The following ATP9B variants were observed in gnomAD, a reference collection of about 807,000 sequenced individuals.
ATP9B encodes the protein probable phospholipid-transporting ATPase IIB.
In ATP9B, 110 loss-of-function variants were observed where a neutral mutation model predicts 146.1. The observed-to-expected ratio is 0.75, with a 90% confidence interval of 0.65 to 0.88. The LOEUF (loss-of-function observed/expected upper bound fraction) is 0.88, where lower values mean the gene tolerates loss of function less well. Among genes scored for constraint, ATP9B ranks in the 40% least tolerant of loss-of-function variants. ATP9B has a pLI of 0.00. For missense variants in ATP9B, 1,499 were observed against 1,496.4 expected, an observed-to-expected ratio of 1.00 and a Z score of -0.03; for synonymous variants, 604 against 569.7, an observed-to-expected ratio of 1.06 and a Z score of -0.86.
intron 15 of ATP9B, among the ~76,000 whole-genome samples, chr18:79,328,051 T>TCCGTGGTTAGTGTG (rs1319549230): frequency 6.7e-6 from 1 of 149,356 alleles, no homozygotes; most frequent in Non-Finnish European, 1.5e-5. Flanking sequence ...TAGCGTGCTC[T>TCCGTGGTTAGTGTG]CTCTGGTTAG....
At chr18:79,072,513 T>G (rs989436590) in intron 1 of ATP9B, among the ~76,000 whole-genome samples, 1 of 152,246 alleles carries the variant, frequency 6.6e-6, no homozygotes, top group African/African-American at 2.4e-5. Flanking sequence ...GAATTTTTCT[T>G]AGTACAGAAC....
At chr18:79,353,859 A>C (rs2096935628) in intron 25 of ATP9B, 1 of 152,244 alleles carries the variant, frequency 6.6e-6, no homozygotes, top group African/African-American at 2.4e-5. Flanking sequence ...TGTTCAAAGA[A>C]AGTTAACAAA....
At chr18:79,334,778 C>T (rs1393642135) in intron 17 of ATP9B, among the ~76,000 whole-genome samples, 5 of 151,304 alleles carry the variant, frequency 3.3e-5, no homozygotes, top group Middle Eastern at 3.4e-3. Context: ...TCTGCCCAGA[C>T]GCCCACCCCC....
rs145281124 is a variant in ATP9B, at chr18:79,338,674, T to G, written c.2283+1225T>G. On this transcript the variant is annotated intron_variant, in intron 19 of 29. Coordinates refer to ENST00000426216, the MANE Select transcript of ATP9B (RefSeq NM_198531.5). ...TCTGGCTTTTTCACTTACTGATGTG[T>G]CCTCTTCCTGCACAGGGGAAATTGG... 2.4e-3 allele frequency among the ~76,000 whole-genome samples: 367 copies of G among 152,358 alleles called. 1 individual carries two copies. The highest frequency in any genetic ancestry group is 6.4e-3 in the South Asian group (31 of 4,830).
intron 11 of ATP9B, among the ~76,000 whole-genome samples, chr18:79,247,321 A>G (rs1481040043): frequency 6.6e-6 from 1 of 152,230 alleles, no homozygotes; most frequent in Non-Finnish European, 1.5e-5. Context: ...ATATGTGTAT[A>G]CATGTGTTCA....
intron 11 of ATP9B, among the ~76,000 whole-genome samples, chr18:79,241,674 A>G (rs1030932978): frequency 7.2e-5 from 11 of 152,360 alleles, no homozygotes; most frequent in Admixed American, 6.5e-4. Flanking sequence ...ATTATGCAGC[A>G]TGCCTGTTTT....
At chr18:79,303,488 T>TG in intron 13 of ATP9B, 116 bp from the exon 14 acceptor site, 1 of 692,946 alleles carries the variant, frequency 1.4e-6, no homozygotes, top group South Asian at 1.8e-5. Flanking sequence ...ATTATACAGT[T>TG]GGGCATCCCA....
intron 8 of ATP9B, among the ~76,000 whole-genome samples, chr18:79,189,638 C>T (rs574639287): frequency 2.6e-5 from 4 of 152,218 alleles, no homozygotes; most frequent in East Asian, 3.9e-4. Flanking sequence ...GAAAATCATA[C>T]GGAAGAGAAA....
rs141246164 is a variant in ATP9B at position 79,129,353 on chromosome 18, C to T, written c.667+2978C>T. Among the ~76,000 whole-genome samples, 59 of 152,232 alleles carry T rather than the reference C, an allele frequency of 3.9e-4. 1 individual carries two copies. The highest frequency in any genetic ancestry group is 1.4e-3 in the African/African-American group (57 of 41,546). ...GAATGCTCAGATCCAAAGTCTTTCC[C>T]TCTGGCCAGTCTCTAGGCTCAGTGC... On this transcript the variant is annotated intron_variant, in intron 5 of 29. Transcript: ENST00000426216.
intron 7 of ATP9B, among the ~76,000 whole-genome samples, chr18:79,174,485 C>G (rs2095129345): frequency 6.6e-6 from 1 of 152,212 alleles, no homozygotes; most frequent in African/African-American, 2.4e-5. Context: ...ACACTTCTTA[C>G]AGTTGATCTG....
intron 3 of ATP9B, among the ~76,000 whole-genome samples, chr18:79,112,886 G>A (rs142670181): frequency 1.1e-3 from 166 of 152,108 alleles, no homozygotes; most frequent in Admixed American, 2.2e-3. Flanking sequence ...GGAAGGTTTT[G>A]CTATCTAACT....
chr18:79,326,031 G>T (rs1203161082), intron 15 of ATP9B, among the ~76,000 whole-genome samples: 1 of 118,594 alleles, frequency 8.4e-6, no homozygotes, highest in Non-Finnish European at 1.7e-5. Flanking sequence ...ATAGTGTTAG[G>T]GTGTCACCTC....
At chr18:79,227,068 G>A (rs1350293929) in intron 11 of ATP9B, among the ~76,000 whole-genome samples, 3 of 152,048 alleles carry the variant, frequency 2.0e-5, no homozygotes, top group Non-Finnish European at 4.4e-5. Context: ...TCTTTTTTTG[G>A]TGGGCTATAA....
chr18:79,297,063 CAGAG>C (rs200284511), intron 13 of ATP9B, among the ~76,000 whole-genome samples: 1 of 133,552 alleles, frequency 7.5e-6, no homozygotes, highest in Non-Finnish European at 1.6e-5. Flanking sequence ...AGAGAGAAGA[CAGAG>C]AGATGACCCA....
intron 17 of ATP9B, among the ~76,000 whole-genome samples, chr18:79,334,726 C>T (rs770342515): frequency 4.6e-5 from 7 of 152,154 alleles, no homozygotes; most frequent in Non-Finnish European, 8.8e-5. Context: ...GTCCTACACA[C>T]GCCTGGCCCC....
rs1489907836 is a variant in ATP9B, at chr18:79,113,274, C to G, written c.478C>G (p.Leu160Val). The G allele has an allele frequency of 6.3e-7, 1 of 1,598,432 alleles. No individual in the cohort carries two copies. The highest frequency in any genetic ancestry group is 8.6e-7 in the Non-Finnish European group (1 of 1,168,362). Residue 160 changes from leucine to valine, a missense_variant, in exon 4 of 30, where the codon CTC becomes GTC. Physicochemically the swap from Leu to Val is conservative, Grantham distance 32 (BLOSUM62 1). Transcript: ENST00000426216. The part of the protein sequence containing the change: ...LYEQFKFFLN[L>V]YFLVISCSQF... ...TGAACAATTCAAGTTTTTCTTGAATCTCTATTTTCTAGTAATATCCTGCTC... is the reference window on the plus strand; with the variant it reads ...TGAACAATTCAAGTTTTTCTTGAATGTCTATTTTCTAGTAATATCCTGCTC...
At chr18:79,373,130 C>T (rs1219289881) in intron 27 of ATP9B, among the ~76,000 whole-genome samples, 1 of 151,430 alleles carries the variant, frequency 6.6e-6, no homozygotes, top group Non-Finnish European at 1.5e-5. Context: ...AAGATTTTAA[C>T]AAGCACTTAC....
chr18:79,109,564 C>CTTTT (rs34940699), intron 2 of ATP9B, among the ~76,000 whole-genome samples: 2 of 129,864 alleles, frequency 1.5e-5, no homozygotes, highest in African/African-American at 2.8e-5. Flanking sequence ...ATTGAGCTGT[C>CTTTT]TTTTTTTTTT....
intron 8 of ATP9B, among the ~76,000 whole-genome samples, chr18:79,177,236 A>G (rs1426146707): frequency 1.3e-5 from 2 of 149,226 alleles, no homozygotes; most frequent in Admixed American, 1.3e-4. Flanking sequence ...TCCTTTTTCA[A>G]TTTATTTTAT....
Sources: gnomAD v4.1 joint callset for allele counts (sites outside exome capture counted in the v4.1 genomes callset) on GRCh38, gnomAD v4.1.1 for gene constraint, MANE v1.5 for transcripts, NCBI Gene and HGNC (gene_info 2026-07-23, HGNC 2026-07-21) for gene names.